Variants in ARSD observed in about 807,000 individuals in gnomAD.
ARSD encodes arylsulfatase D.
In ARSD, 21 loss-of-function variants were observed where a neutral mutation model predicts 32.6. That is an observed-to-expected ratio of 0.64 (90% CI 0.46 to 0.93). The LOEUF (loss-of-function observed/expected upper bound fraction) is 0.93, where lower values mean the gene tolerates loss of function less well. Among genes scored for constraint, ARSD ranks in the 40% least tolerant of loss-of-function variants. The probability of loss-of-function intolerance (pLI) is 0.00; values close to 1 mark genes in which losing one functional copy is unlikely to be tolerated. For synonymous variants in ARSD, 224 were observed against 237.4 expected, an observed-to-expected ratio of 0.94 and a Z score of 0.52; for missense variants, 454 against 520.9, an observed-to-expected ratio of 0.87 and a Z score of 1.25.
rs370719644 is a variant in ARSD, at chrX:2,909,997, C to T, written c.1136-18G>A. The T allele has an allele frequency of 2.7e-4, 331 of 1,207,200 alleles. 4 individuals are homozygous for T. In the South Asian group the frequency reaches 3.4e-3, roughly 12 times the overall value. On this transcript the variant is annotated intron_variant, in intron 7 of 9. Transcript: ENST00000381154. ...CTTCCCACCTGTAAGTAGAAGACAT[C>T]GTTAGGATTTTGCCGGAAACTGCCC... is the stretch of plus-strand genomic sequence containing the variant.
rs769770943 is a variant in ARSD, at chrX:2,907,453, C to T, written c.1600G>A (p.Glu534Lys). ...GCTATCACGGCGTGGTACAGGGGCT[C>T]GGAGTCGGGGGTCAGGGGCCGTGCC... ...SEARPLTPDS[E>K]PLYHAVIARV... The change falls in exon 10 of 10, where the codon GAG becomes AAG. Residue 534 changes from glutamate (E) to lysine (K), a missense_variant. Glu to Lys is a moderately conservative substitution (Grantham distance 56, BLOSUM62 1). Transcript: ENST00000381154. The T allele has an allele frequency of 4.1e-6, 5 of 1,210,283 alleles. No individual in the cohort carries two copies. Among genetic ancestry groups the T allele is most frequent in the East Asian group, 3.0e-5 (1 of 33,767 alleles).
chrX:2,910,623 T>C (rs765609350), intron 7 of ARSD, 36 bp downstream of exon 7: 1 of 1,210,228 alleles, frequency 8.3e-7, no homozygotes, highest in South Asian at 1.8e-5. Flanking sequence ...AGATATTTGG[T>C]CGAATGCATA....
Position 2,910,811 on chromosome X carries a change from A to C in ARSD, c.1001-18T>G, listed in dbSNP as rs779320139. ...AACCTTACCTTTACAGAAAATGGAA[A>C]GTTTCAGGACCAAGAAAACAAAGCA... On this transcript the variant is annotated intron_variant, in intron 6 of 9. Transcript: ENST00000381154. 8 of 1,204,509 alleles carry C rather than the reference A, an allele frequency of 6.6e-6. No individual in the cohort carries two copies. Among genetic ancestry groups the C allele is most frequent in the Non-Finnish European group, 9.0e-6 (8 of 891,899 alleles).
intron 2 of ARSD, 23 bp from the exon 3 acceptor site, chrX:2,922,047 A>G (rs1319075181): frequency 8.4e-6 from 10 of 1,183,663 alleles, no homozygotes; most frequent in Non-Finnish European, 1.1e-5. Context: ...CACAAATGTC[A>G]TTGTTGGAAG....
In ARSD at chrX:2,926,979, C is replaced by T. The variant is rs185711728; in HGVS notation, c.45-1214G>A. On this transcript the variant is annotated intron_variant, in intron 1 of 9. Coordinates refer to ENST00000381154, the MANE Select transcript of ARSD (RefSeq NM_001669.4). ...TCGTGGCTGTGCTCTCCGGGGAGGA[C>T]GCGAACGAGGGGTGTGTCTCAGGGT... Among the ~76,000 whole-genome samples the T allele has an allele frequency of 1.7e-4, 18 of 104,541 alleles. No individual in the cohort carries two copies. The East Asian group carries it at 2.1e-3, about 12-fold the overall frequency. The allele number at this position is 104,541 out of a possible 115,157, so 90.8% of individuals were successfully genotyped here.
At position 2,918,252 on chromosome X, in the gene ARSD, A is replaced by G. The variant is rs138206271; in HGVS notation, c.440-25T>C. ...CCTAAAAGAAACGCAAATGTTCAAC[A>G]GAGACCCGCTTTGAAGCAGCCCTGT... On this transcript the variant is annotated intron_variant, in intron 4 of 9. Transcript: ENST00000381154. The G allele has an allele frequency of 2.8e-5, 31 of 1,124,523 alleles. No homozygotes were observed. In the East Asian group the frequency reaches 6.5e-4, roughly 24 times the overall value. 92.7% of individuals were successfully genotyped at this position (1,124,523 alleles called of 1,213,427 possible).
chrX:2,924,800 G>A (rs1383020021), intron 2 of ARSD, among the ~76,000 whole-genome samples: 1 of 112,131 alleles, frequency 8.9e-6, no homozygotes, highest in Non-Finnish European at 1.9e-5. Flanking sequence ...CACAGACACA[G>A]GGGAGAAGGC....
In ARSD at chrX:2,910,878, C is replaced by T. The variant is rs368471574; in HGVS notation, c.1001-85G>A. On this transcript the variant is annotated intron_variant, in intron 6 of 9. Coordinates refer to ENST00000381154, the MANE Select transcript of ARSD (RefSeq NM_001669.4). Reference sequence around the variant, plus strand: ...TGCGCTTCTTCCTTTCTGCAGGAGACACCTCTTGCCAGGAAGTCATAAGAA... The same window carrying T: ...TGCGCTTCTTCCTTTCTGCAGGAGATACCTCTTGCCAGGAAGTCATAAGAA... 54 of 1,057,292 alleles carry T rather than the reference C, an allele frequency of 5.1e-5. No homozygotes were observed. In the East Asian group the frequency reaches 8.6e-4, roughly 17 times the overall value. 87.1% of individuals were successfully genotyped at this position (1,057,292 alleles called of 1,213,427 possible).
chrX:2,922,157 C>T, intron 2 of ARSD, 133 bp from the exon 3 acceptor site: 1 of 828,923 alleles, frequency 1.2e-6, no homozygotes, highest in Non-Finnish European at 1.6e-6. Flanking sequence ...TTATGGTCTC[C>T]TGCAGCGGTA....
intron 4 of ARSD, among the ~76,000 whole-genome samples, chrX:2,920,196 AGAC>A (rs1396139189): frequency 9.1e-6 from 1 of 110,409 alleles, no homozygotes; most frequent in East Asian, 2.9e-4. Flanking sequence ...GACAAGCTGA[AGAC>A]TGATAGGTCC....
In ARSD at chrX:2,907,585, C is replaced by T. The variant is rs768877786; in HGVS notation, c.1468G>A (p.Glu490Lys). Residue 490 changes from glutamate to lysine, a missense_variant, in exon 10 of 10, where the codon GAG becomes AAG. By Grantham distance (56) the Glu-to-Lys change is moderately conservative. Around this residue, in one of 3 missense-constraint regions of ARSD, gnomAD observed 179 missense variants for 198.5 expected, o/e 0.90. Coordinates refer to ENST00000381154, the MANE Select transcript of ARSD (RefSeq NM_001669.4). ...VHYTTPQFHP[E>K]GAGACYGRGV... ...CGGCCGTAGCAGGCCCCCGCTCCCTCGGGGTGGAACTGCGGGGTCGTGTAA... is the reference window on the plus strand; with the variant it reads ...CGGCCGTAGCAGGCCCCCGCTCCCTTGGGGTGGAACTGCGGGGTCGTGTAA... 1.2e-5 allele frequency: 14 copies of T among 1,127,125 alleles called. 1 individual carries two copies. Among genetic ancestry groups the T allele is most frequent in the South Asian group, 1.1e-4 (5 of 45,475 alleles). The allele number at this position is 1,127,125 out of a possible 1,213,427, so 92.9% of individuals were successfully genotyped here. A position where few individuals can be genotyped will look rare whatever the true frequency, so the allele number is the denominator to read the frequency against.
chrX:2,929,288 G>C lies in ARSD; in HGVS notation c.-13C>G. ...CGGCGGATCGCATGGCCGAGCGCTG[G>C]CCCAGAGCGCAGGACCTTGCCCTGC... On this transcript the variant is annotated 5_prime_UTR_variant, in exon 1 of 10. Coordinates refer to ENST00000381154, the MANE Select transcript of ARSD (RefSeq NM_001669.4). The C allele has an allele frequency of 2.0e-6, 2 of 999,486 alleles. No homozygotes were observed. Among genetic ancestry groups the C allele is most frequent in the Non-Finnish European group, 1.3e-6 (1 of 795,670 alleles). The allele number at this position is 999,486 out of a possible 1,213,427, so 82.4% of individuals were successfully genotyped here. A position where few individuals can be genotyped will look rare whatever the true frequency, so the allele number is the denominator to read the frequency against.
chrX:2,910,982 G>A (rs1243226099), intron 6 of ARSD, among the ~76,000 whole-genome samples, 189 bp from the exon 7 acceptor site: 1 of 112,488 alleles, frequency 8.9e-6, no homozygotes, highest in Non-Finnish European at 1.9e-5. Flanking sequence ...TGATACCACA[G>A]GACTGTTTAC....
chrX:2,918,581 C>T (rs747997083), intron 4 of ARSD, among the ~76,000 whole-genome samples: 51 of 109,895 alleles, frequency 4.6e-4, no homozygotes, highest in South Asian at 1.2e-3. Context: ...AAACCCCGTC[C>T]CTACTAAAAA....
chrX:2,907,490 C>A lies in ARSD; in HGVS notation c.1563G>T (p.Arg521Ser), dbSNP rs765801225. Residue 521 changes from arginine (R) to serine (S), a missense_variant, in exon 10 of 10, where the codon AGG becomes AGT. Arg to Ser is a moderately radical substitution (Grantham distance 110, BLOSUM62 -1). Transcript: ENST00000381154. ...HRPPLLFDLS[R>S]DPSEARPLTP... ...TCAGGGGCCGTGCCTCGGAGGGGTCCCTGGAGAGGTCAAAGAGCAAAGGGG... is the reference window on the plus strand; with the variant it reads ...TCAGGGGCCGTGCCTCGGAGGGGTCACTGGAGAGGTCAAAGAGCAAAGGGG... The A allele has an allele frequency of 8.3e-7, 1 of 1,206,552 alleles. No homozygotes were observed.
chrX:2,913,644 A>G, intron 6 of ARSD: 2 of 1,001,667 alleles, frequency 2.0e-6, no homozygotes, highest in Non-Finnish European at 2.6e-6. Flanking sequence ...CATAGAAGGA[A>G]GGTGACCTCT....
rs752775200 is a variant in ARSD at position 2,909,895 on chromosome X, A to G, written c.1220T>C (p.Val407Ala). The G allele has an allele frequency of 2.3e-5, 28 of 1,207,073 alleles. No individual in the cohort carries two copies. The highest frequency in any genetic ancestry group is 2.9e-5 in the Non-Finnish European group (26 of 894,486). Residue 407 changes from valine to alanine, a missense_variant, in exon 8 of 10, where the codon GTG becomes GCG. This residue lies in a region of ARSD where 179 missense variants were observed against 198.5 expected (regional missense o/e 0.90). Coordinates refer to ENST00000381154, the MANE Select transcript of ARSD (RefSeq NM_001669.4). Reference sequence around the variant, plus strand: ...CATCAGGCTCGTGGGCTCTCCAATCACTCGGCCGGCCGGGAGCACCCCCGG... The same window carrying G: ...CATCAGGCTCGTGGGCTCTCCAATCGCTCGGCCGGCCGGGAGCACCCCCGG... ...HWPGVLPAGRVIGEPTSLMDV... is the reference protein window; with the variant it reads ...HWPGVLPAGRAIGEPTSLMDV...
intron 6 of ARSD, chrX:2,913,586 C>G: frequency 5.0e-6 from 5 of 1,002,165 alleles, no homozygotes; most frequent in Non-Finnish European, 6.5e-6. Flanking sequence ...TCTACACTCT[C>G]TTAAGAATCT....
chrX:2,922,806 C>T (rs1229008439), intron 2 of ARSD, among the ~76,000 whole-genome samples: 2 of 86,334 alleles, frequency 2.3e-5, no homozygotes, highest in Non-Finnish European at 4.2e-5. Context: ...CCACTGCACT[C>T]CAGCCTGGGT....
Sources: allele counts gnomAD v4.1 joint callset (sites outside exome capture counted in the v4.1 genomes callset), GRCh38; gene constraint gnomAD v4.1.1; regional missense constraint gnomAD v4.1.1; transcripts MANE v1.5; gene names NCBI Gene and HGNC (gene_info 2026-07-23, HGNC 2026-07-21).